Variants in LNP1 observed in about 807,000 individuals in gnomAD.
The protein encoded by LNP1 is leukemia NUP98 fusion partner 1.
Under a neutral mutation model 14.5 loss-of-function variants are expected in LNP1, and 12 were observed. The ratio of observed to expected loss-of-function variants is 0.83; its 90% CI spans 0.53 to 1.34. The LOEUF (loss-of-function observed/expected upper bound fraction) is 1.34, where lower values mean the gene tolerates loss of function less well. Ranked by LOEUF, LNP1 falls within the 40% of genes most tolerant of loss-of-function variation. The probability of loss-of-function intolerance (pLI) is 0.00; values close to 1 mark genes in which losing one functional copy is unlikely to be tolerated. For synonymous variants in LNP1, 75 were observed against 71.4 expected, an observed-to-expected ratio of 1.05 and a Z score of -0.26; for missense variants, 198 against 210.9, an observed-to-expected ratio of 0.94 and a Z score of 0.38.
At chr3:100,448,490 G>C (rs1707408658) in intron 2 of LNP1, among the ~76,000 whole-genome samples, 1 of 152,106 alleles carries the variant, frequency 6.6e-6, no homozygotes, top group Admixed American at 6.5e-5. Flanking sequence ...TTATAGTTCT[G>C]TAACCCCTAT....
chr3:100,424,642 C>A (rs192581499), intron 1 of LNP1, among the ~76,000 whole-genome samples: 2 of 152,142 alleles, frequency 1.3e-5, no homozygotes, highest in Non-Finnish European at 1.5e-5. Context: ...CCACATTAGT[C>A]GGGCAGTTTA....
At chr3:100,437,442 A>G (rs1260085573) in intron 2 of LNP1, among the ~76,000 whole-genome samples, 1 of 152,214 alleles carries the variant, frequency 6.6e-6, no homozygotes, top group Non-Finnish European at 1.5e-5. Context: ...TAGTGTGACC[A>G]AGCAGGGTCT....
At chr3:100,421,470 A>C (rs537183269) in intron 1 of LNP1, among the ~76,000 whole-genome samples, 1 of 152,340 alleles carries the variant, frequency 6.6e-6, no homozygotes, top group Admixed American at 6.5e-5. Context: ...CACAAAATTA[A>C]TTATCACCCT....
At chr3:100,429,991 A>C (rs73150364) in intron 2 of LNP1, 106 bp downstream of exon 2, 12,930 of 1,172,822 alleles carry the variant, frequency 0.011, 95 homozygotes, top group South Asian at 0.019. Context: ...CTTTGGTTTA[A>C]AACCAGTACT....
chr3:100,453,436 A>C (rs1267611364), intron 3 of LNP1, among the ~76,000 whole-genome samples: 2 of 151,314 alleles, frequency 1.3e-5, no homozygotes, highest in Admixed American at 1.3e-4. Flanking sequence ...AAAAAAAAAA[A>C]AAAAATTACC....
At chr3:100,431,102 TA>T (rs1707238345) in intron 2 of LNP1, among the ~76,000 whole-genome samples, 1 of 152,240 alleles carries the variant, frequency 6.6e-6, no homozygotes, top group Non-Finnish European at 1.5e-5. Context: ...GGAGTATGAT[TA>T]GTTTCCAGTT....
chr3:100,416,599 T>TTTTGTG (rs1491128284), intron 1 of LNP1, among the ~76,000 whole-genome samples: 8 of 94,620 alleles, frequency 8.5e-5, no homozygotes, highest in Non-Finnish European at 1.5e-4. Context: ...TATATCTTTT[T>TTTTGTG]TGTGTGTGTG....
rs189001365 is a variant in LNP1 at position 100,425,567 on chromosome 3, T to C, written c.-33-4130T>C. ...TGCATCTCCCCAGGTGCCGGGTTTT[T>C]TTCTTCTTTGCTATTATGCAATAGT... On this transcript the variant is annotated intron_variant, in intron 1 of 3. Transcript: ENST00000383693. 2.1e-3 allele frequency among the ~76,000 whole-genome samples: 321 copies of C among 152,346 alleles called. 2 individuals are homozygous for C. Among genetic ancestry groups the C allele is most frequent in the African/African-American group, 7.3e-3 (303 of 41,580 alleles).
chr3:100,452,273 G>T (rs1048168832), intron 3 of LNP1, among the ~76,000 whole-genome samples: 4 of 149,896 alleles, frequency 2.7e-5, no homozygotes, highest in African/African-American at 9.9e-5. Context: ...CCTGATCATG[G>T]CTCACTGCAG....
chr3:100,450,441 C>A (rs1428692161), intron 2 of LNP1, among the ~76,000 whole-genome samples: 1 of 151,348 alleles, frequency 6.6e-6, no homozygotes, highest in Non-Finnish European at 1.5e-5. Flanking sequence ...TCAAGCGATT[C>A]TCCTGCCTCA....
chr3:100,442,473 T>C (rs1559845779), intron 2 of LNP1, among the ~76,000 whole-genome samples: 1 of 152,108 alleles, frequency 6.6e-6, no homozygotes, highest in Non-Finnish European at 1.5e-5. Flanking sequence ...AACATTGCAA[T>C]ATGAATATCG....
intron 2 of LNP1, among the ~76,000 whole-genome samples, chr3:100,441,067 T>A (rs1158062595): frequency 1.3e-5 from 2 of 151,874 alleles, no homozygotes; most frequent in African/African-American, 4.8e-5. Flanking sequence ...AAAGGAAAGA[T>A]AGAAAAGGAA....
At chr3:100,449,333 T>A (rs370435562) in intron 2 of LNP1, among the ~76,000 whole-genome samples, 10 of 152,296 alleles carry the variant, frequency 6.6e-5, no homozygotes, top group African/African-American at 2.4e-4. Context: ...TTGCAGTAAC[T>A]ATTTTAGTAA....
intron 1 of LNP1, among the ~76,000 whole-genome samples, chr3:100,418,046 C>A (rs1166218334): frequency 6.8e-6 from 1 of 147,658 alleles, no homozygotes; most frequent in African/African-American, 2.5e-5. Flanking sequence ...TTTGTTCTTT[C>A]ATTTCTCATA....
chr3:100,407,070 T>C (rs983118206), intron 1 of LNP1, among the ~76,000 whole-genome samples: 7 of 152,246 alleles, frequency 4.6e-5, no homozygotes, highest in Non-Finnish European at 1.0e-4. Flanking sequence ...ACTTTTATCT[T>C]TTAGCCCTAC....
chr3:100,449,779 T>TA (rs1422449200), intron 2 of LNP1, among the ~76,000 whole-genome samples: 2 of 152,152 alleles, frequency 1.3e-5, no homozygotes, highest in African/African-American at 2.4e-5. Context: ...TTGAGCTCCT[T>TA]AAAAAAACCT....
At chr3:100,434,817 C>A (rs1205004709) in intron 2 of LNP1, among the ~76,000 whole-genome samples, 1 of 147,828 alleles carries the variant, frequency 6.8e-6, no homozygotes, top group East Asian at 2.0e-4. Flanking sequence ...GTGTGAGCCA[C>A]TGCACCCGGC....
chr3:100,446,524 C>T (rs1174422554), intron 2 of LNP1, among the ~76,000 whole-genome samples: 1 of 152,194 alleles, frequency 6.6e-6, no homozygotes, highest in Non-Finnish European at 1.5e-5. Context: ...CAATACCATT[C>T]AGGACATAGT....
intron 2 of LNP1, among the ~76,000 whole-genome samples, chr3:100,431,995 TATATA>T (rs1707247067): frequency 1.0e-3 from 1 of 978 alleles, no homozygotes; most frequent in Non-Finnish European, 2.9e-3. Flanking sequence ...ACCTTGTTTA[TATATA>T]TATATATATA....
Sources: gnomAD v4.1 joint callset for allele counts (sites outside exome capture counted in the v4.1 genomes callset) on GRCh38, gnomAD v4.1.1 for gene constraint, MANE v1.5 for transcripts, NCBI Gene and HGNC (gene_info 2026-07-23, HGNC 2026-07-21) for gene names.